CALD1: variants seen among roughly 807,000 people sequenced by gnomAD.
CALD1 encodes caldesmon 1, also known as caldesmon.
In CALD1, 33 loss-of-function variants were observed where a neutral mutation model predicts 99.9. The ratio of observed to expected loss-of-function variants is 0.33; its 90% CI spans 0.25 to 0.44. The LOEUF is 0.44. Ranked by LOEUF, CALD1 falls within the 20% of genes least tolerant of loss-of-function variation. The pLI is 1.00. For synonymous variants in CALD1, 310 were observed against 325.0 expected (o/e 0.95, Z 0.50); for missense variants, 861 against 962.1 (o/e 0.89, Z 1.39).
intron 3 of CALD1, among the ~76,000 whole-genome samples, chr7:134,899,197 CTTTCTT>C (rs1217150214): frequency 2.0e-5 from 3 of 150,200 alleles, no homozygotes; most frequent in South Asian, 2.1e-4. Context: ...ACAAATGCTT[CTTTCTT>C]TTTCTTTTTT....
At chr7:134,918,141 C>A (rs1804352601) in intron 3 of CALD1, among the ~76,000 whole-genome samples, 1 of 152,162 alleles carries the variant, frequency 6.6e-6, no homozygotes, top group Non-Finnish European at 1.5e-5. Context: ...TCCATATTTA[C>A]TGGGGTTGGC....
At chr7:134,909,421 G>A (rs1027633544) in intron 3 of CALD1, among the ~76,000 whole-genome samples, 3 of 152,176 alleles carry the variant, frequency 2.0e-5, no homozygotes, top group East Asian at 1.9e-4. Context: ...GGTGGCTCAC[G>A]CCTGTAATCC....
intron 1 of CALD1, among the ~76,000 whole-genome samples, chr7:134,760,077 C>T (rs1175573885): frequency 6.6e-6 from 1 of 152,138 alleles, no homozygotes. Context: ...GCTGGATCGC[C>T]AGGTGCTCAG....
intron 1 of CALD1, among the ~76,000 whole-genome samples, chr7:134,811,394 T>C (rs2131926413): frequency 6.6e-6 from 1 of 152,306 alleles, no homozygotes; most frequent in East Asian, 1.9e-4. Flanking sequence ...GGTAGTGGAC[T>C]GTGTTAAAAA....
chr7:134,754,531 C>T (rs763478920), intron 1 of CALD1, among the ~76,000 whole-genome samples: 38 of 152,066 alleles, frequency 2.5e-4, no homozygotes, highest in Non-Finnish European at 4.7e-4. Context: ...ATGTATAATC[C>T]CTTTTGGCTC....
intron 2 of CALD1, among the ~76,000 whole-genome samples, chr7:134,847,319 G>A (rs1799893372): frequency 6.6e-6 from 1 of 152,128 alleles, no homozygotes; most frequent in Non-Finnish European, 1.5e-5. Flanking sequence ...GTTCAGGTGG[G>A]CCCAAGCTTT....
intron 3 of CALD1, among the ~76,000 whole-genome samples, chr7:134,916,538 G>A (rs1804217223): frequency 6.6e-6 from 1 of 152,162 alleles, no homozygotes; most frequent in Admixed American, 6.5e-5. Context: ...ATTAAGCAGA[G>A]CCTGTCTAGA....
intron 1 of CALD1, among the ~76,000 whole-genome samples, chr7:134,818,961 TAG>T (rs1318716381): frequency 6.6e-6 from 1 of 152,124 alleles, no homozygotes; most frequent in Non-Finnish European, 1.5e-5. Context: ...GGGTGTGAGG[TAG>T]AGATTTCAAT....
At chr7:134,790,055 G>A (rs1421317967) in intron 1 of CALD1, among the ~76,000 whole-genome samples, 1 of 149,834 alleles carries the variant, frequency 6.7e-6, no homozygotes, top group Non-Finnish European at 1.5e-5. Context: ...AAAAGAGGGA[G>A]GGAGAGGAAA....
At chr7:134,785,415 T>C (rs1797268446) in intron 1 of CALD1, among the ~76,000 whole-genome samples, 1 of 152,248 alleles carries the variant, frequency 6.6e-6, no homozygotes, top group Non-Finnish European at 1.5e-5. Flanking sequence ...AGATTTAATA[T>C]GTAATCATTT....
At chr7:134,793,052 G>A (rs964710290) in intron 1 of CALD1, among the ~76,000 whole-genome samples, 2 of 152,192 alleles carry the variant, frequency 1.3e-5, no homozygotes, top group Non-Finnish European at 2.9e-5. Flanking sequence ...AAACCACGGC[G>A]GCAGACCATC....
chr7:134,869,871 G>A (rs906042994), intron 3 of CALD1, among the ~76,000 whole-genome samples: 1 of 152,088 alleles, frequency 6.6e-6, no homozygotes, highest in Admixed American at 6.5e-5. Context: ...AAGGTATAAT[G>A]GAAGCCATCA....
chr7:134,927,207 GC>G (rs1449192146), intron 3 of CALD1, among the ~76,000 whole-genome samples: 1 of 152,092 alleles, frequency 6.6e-6, no homozygotes, highest in Non-Finnish European at 1.5e-5. Flanking sequence ...TTGAGCATCT[GC>G]AGTTGCCCAG....
intron 3 of CALD1, among the ~76,000 whole-genome samples, chr7:134,881,991 A>G (rs1387348720): frequency 2.0e-5 from 3 of 152,176 alleles, no homozygotes; most frequent in African/African-American, 4.8e-5. Flanking sequence ...CACTTTTTAC[A>G]TATGTTAATT....
intron 1 of CALD1, among the ~76,000 whole-genome samples, chr7:134,755,566 G>A (rs1403627402): frequency 6.6e-6 from 1 of 152,160 alleles, no homozygotes; most frequent in African/African-American, 2.4e-5. Flanking sequence ...TATAGATTAT[G>A]GATTTCCTTC....
chr7:134,934,611 C>T (rs566107324), intron 5 of CALD1, among the ~76,000 whole-genome samples: 86 of 152,132 alleles, frequency 5.7e-4, no homozygotes, highest in Non-Finnish European at 1.0e-3. Context: ...AGGCTGGGTA[C>T]AGTGGCTCAC....
At chr7:134,949,926 A>C (rs1196063519) in intron 8 of CALD1, among the ~76,000 whole-genome samples, 2 of 152,070 alleles carry the variant, frequency 1.3e-5, no homozygotes, top group Non-Finnish European at 2.9e-5. Flanking sequence ...AAAAAATCAC[A>C]AAAAGGTCTC....
At chr7:134,899,633 T>TTTTTTGTTTTTG (rs199657898) in intron 3 of CALD1, among the ~76,000 whole-genome samples, 5 of 150,078 alleles carry the variant, frequency 3.3e-5, no homozygotes, top group African/African-American at 1.2e-4. Context: ...TTGATCTTTC[T>TTTTTTGTTTTTG]TTTTTGTTTT....
intron 3 of CALD1, chr7:134,927,948 ATATT>A (rs1182364296): frequency 6.7e-6 from 1 of 148,758 alleles, no homozygotes; most frequent in African/African-American, 2.5e-5. Flanking sequence ...TTATAATATA[ATATT>A]TATTATAATT....
Sources: gnomAD v4.1 joint callset for allele counts (sites outside exome capture counted in the v4.1 genomes callset) on GRCh38, gnomAD v4.1.1 for gene constraint, MANE v1.5 for transcripts, NCBI Gene and HGNC (gene_info 2026-07-23, HGNC 2026-07-21) for gene names.